The following CCDC60 variants were observed in gnomAD, a reference collection of about 807,000 sequenced individuals.
CCDC60 encodes the protein coiled-coil domain-containing protein 60.
Under a neutral mutation model 63.5 loss-of-function variants are expected in CCDC60, and 54 were observed. The ratio of observed to expected loss-of-function variants is 0.85; its 90% CI spans 0.68 to 1.07. The LOEUF is 1.07. Among genes scored for constraint, CCDC60 ranks in the 50% least tolerant of loss-of-function variants. The probability of loss-of-function intolerance (pLI) is 0.00; values close to 1 mark genes in which losing one functional copy is unlikely to be tolerated. For missense variants in CCDC60, 651 were observed against 684.3 expected, an observed-to-expected ratio of 0.95 and a Z score of 0.54; for synonymous variants, 206 against 238.8, an observed-to-expected ratio of 0.86 and a Z score of 1.27.
At chr12:119,389,524 C>T (rs1480774957) in intron 1 of CCDC60, among the ~76,000 whole-genome samples, 1 of 152,004 alleles carries the variant, frequency 6.6e-6, no homozygotes, top group East Asian at 1.9e-4. Context: ...TGGTCACCTG[C>T]TTGCTCATTA....
At chr12:119,381,912 A>C (rs1174546915) in intron 1 of CCDC60, among the ~76,000 whole-genome samples, 2 of 152,198 alleles carry the variant, frequency 1.3e-5, no homozygotes, top group African/African-American at 2.4e-5. Context: ...CCCTTTAAGG[A>C]AAATTCTTGT....
Position 119,385,427 on chromosome 12 carries a change from G to A in CCDC60, c.91-43256G>A, listed in dbSNP as rs145135283. ...TTGAATCATGGGGGCAGTTTCCCCCGTACTGTTATTGTGATAGTGAATAAG... is the reference window on the plus strand; with the variant it reads ...TTGAATCATGGGGGCAGTTTCCCCCATACTGTTATTGTGATAGTGAATAAG... On this transcript the variant is annotated intron_variant, in intron 1 of 13. Coordinates refer to ENST00000327554, the MANE Select transcript of CCDC60 (RefSeq NM_178499.5). Among the ~76,000 whole-genome samples, 1,196 of 152,266 alleles carry A rather than the reference G, an allele frequency of 7.9e-3. 56 individuals carry two copies. The highest frequency in any genetic ancestry group is 0.066 in the Admixed American group (1,008 of 15,292).
chr12:119,400,712 G>A (rs1031929534), intron 1 of CCDC60, among the ~76,000 whole-genome samples: 5 of 152,220 alleles, frequency 3.3e-5, no homozygotes, highest in Non-Finnish European at 4.4e-5. Context: ...GAATTTGCAG[G>A]CGTAATAAGC....
At chr12:119,401,695 T>A (rs1247862909) in intron 1 of CCDC60, among the ~76,000 whole-genome samples, 1 of 152,238 alleles carries the variant, frequency 6.6e-6, no homozygotes, top group Non-Finnish European at 1.5e-5. Context: ...GTAAACCAAT[T>A]CAAGATATCC....
At position 119,530,787 on chromosome 12, in the gene CCDC60, G is replaced by A. The variant is rs111530071; in HGVS notation, c.1362-87G>A. 1.5e-3 allele frequency: 1,743 copies of A among 1,125,006 alleles called. 21 individuals carry two copies. The African/African-American group carries it at 0.024, about 16-fold the overall frequency. The allele number at this position is 1,125,006 out of a possible 1,614,324, so 69.7% of individuals were successfully genotyped here. ...TGCTGCCCTGGAGACATCACAGAGA[G>A]CAGAAAGAGAAAGTGGAGATGGATG... On this transcript the variant is annotated intron_variant, in intron 12 of 13. Transcript: ENST00000327554.
intron 3 of CCDC60, among the ~76,000 whole-genome samples, chr12:119,474,802 T>C (rs1951140800): frequency 6.6e-6 from 1 of 151,750 alleles, no homozygotes; most frequent in South Asian, 2.1e-4. Context: ...AGCCCAGGAG[T>C]TCAAGACCAG....
chr12:119,406,107 A>C (rs1956483694), intron 1 of CCDC60, among the ~76,000 whole-genome samples: 1 of 151,998 alleles, frequency 6.6e-6, no homozygotes, highest in Non-Finnish European at 1.5e-5. Context: ...GGAGGCAGAG[A>C]TTGTGGTGAG....
chr12:119,372,983 G>T (rs943586318), intron 1 of CCDC60, among the ~76,000 whole-genome samples: 2 of 152,144 alleles, frequency 1.3e-5, no homozygotes, highest in Non-Finnish European at 2.9e-5. Flanking sequence ...TTACTGTAAA[G>T]AAAAATATTA....
intron 1 of CCDC60, among the ~76,000 whole-genome samples, chr12:119,360,290 G>A (rs1433718144): frequency 6.7e-6 from 1 of 148,250 alleles, no homozygotes; most frequent in Non-Finnish European, 1.5e-5. Context: ...CCGGGCAGGG[G>A]GCTGACCCCC....
In CCDC60 at chr12:119,479,096, C is replaced by T. The variant is rs1433546837; in HGVS notation, c.344C>T (p.Thr115Ile). ...TTCTCTGTCTGCTTGTCCTTCAGCA[C>T]ATATGATGATGAGAAGTTGAAGACA... The part of the protein sequence containing the change: ...EIHYGDTLLS[T>I]YDDEKLKTLG... The change falls in exon 4 of 14, where the codon ACA becomes ATA. Residue 115 changes from threonine to isoleucine, a missense_variant and splice_region_variant. Thr to Ile is a moderately conservative substitution (Grantham distance 89). Coordinates refer to ENST00000327554, the MANE Select transcript of CCDC60 (RefSeq NM_178499.5). 3.7e-6 allele frequency: 6 copies of T among 1,608,212 alleles called. No individual in the cohort carries two copies. The highest frequency in any genetic ancestry group is 3.3e-5 in the Admixed American group (2 of 60,016).
chr12:119,502,166 G>C (rs1304597487), intron 6 of CCDC60, among the ~76,000 whole-genome samples: 1 of 152,204 alleles, frequency 6.6e-6, no homozygotes, highest in South Asian at 2.1e-4. Context: ...CTCCTGCACA[G>C]CTAAAGGGAA....
At chr12:119,343,158 G>A (rs1182092304) in intron 1 of CCDC60, among the ~76,000 whole-genome samples, 2 of 152,134 alleles carry the variant, frequency 1.3e-5, no homozygotes, top group East Asian at 3.8e-4. Flanking sequence ...ATCATGAGAT[G>A]GTGGCATTTT....
At chr12:119,447,659 C>T (rs1327038231) in intron 2 of CCDC60, 3 of 152,040 alleles carry the variant, frequency 2.0e-5, no homozygotes, top group Non-Finnish European at 2.9e-5. Flanking sequence ...CTTGCATTCT[C>T]GAAAAAAACA....
In CCDC60 at chr12:119,523,775, G is replaced by A. The variant is rs562474676; in HGVS notation, c.1186G>A (p.Glu396Lys). 1 of 1,614,210 alleles carries A rather than the reference G, an allele frequency of 6.2e-7. No individual in the cohort carries two copies. The highest frequency in any genetic ancestry group is 1.1e-5 in the South Asian group (1 of 91,084). The change falls in exon 11 of 14, where the codon GAG (glutamate) becomes AAG (lysine). Residue 396 changes from glutamate to lysine, a missense_variant. Coordinates refer to ENST00000327554, the MANE Select transcript of CCDC60 (RefSeq NM_178499.5). ...GGCCAAGTTTTACAGCGTAGCCCAG[G>A]AGGCTGGCTTCTGCCTGCAGGACAA... is the stretch of plus-strand genomic sequence containing the variant. Reference protein sequence around the residue: ...MRAKFYSVAQEAGFCLQDKME... With the variant: ...MRAKFYSVAQKAGFCLQDKME...
intron 1 of CCDC60, among the ~76,000 whole-genome samples, chr12:119,412,766 C>A (rs986052100): frequency 8.4e-6 from 1 of 118,852 alleles, no homozygotes; most frequent in Admixed American, 9.2e-5. Flanking sequence ...GCCCCCCACC[C>A]CCCCCCACCC....
At chr12:119,454,260 G>A (rs1950685990) in intron 2 of CCDC60, among the ~76,000 whole-genome samples, 1 of 152,078 alleles carries the variant, frequency 6.6e-6, no homozygotes, top group Non-Finnish European at 1.5e-5. Flanking sequence ...TGACTTCTTT[G>A]AGCCTTAGTT....
At chr12:119,354,945 G>C (rs922874116) in intron 1 of CCDC60, among the ~76,000 whole-genome samples, 6 of 152,142 alleles carry the variant, frequency 3.9e-5, no homozygotes, top group African/African-American at 1.2e-4. Context: ...CAGAATCATA[G>C]AGTAACCTTG....
intron 1 of CCDC60, among the ~76,000 whole-genome samples, chr12:119,378,521 CA>C (rs1485758296): frequency 2.6e-5 from 4 of 152,158 alleles, no homozygotes; most frequent in African/African-American, 9.7e-5. Context: ...TTTACAGCAA[CA>C]TCATGAGGGC....
At chr12:119,361,099 T>C (rs7315052) in intron 1 of CCDC60, among the ~76,000 whole-genome samples, 32,783 of 149,336 alleles carry the variant, frequency 0.22, 4,417 homozygotes, top group Middle Eastern at 0.34. Flanking sequence ...TAGTCCAGCT[T>C]CGGCTTGGCA....
Sources: allele counts gnomAD v4.1 joint callset (sites outside exome capture counted in the v4.1 genomes callset), GRCh38; gene constraint gnomAD v4.1.1; transcripts MANE v1.5; gene names NCBI Gene and HGNC (gene_info 2026-07-23, HGNC 2026-07-21).